The following GSDMD variants were observed in gnomAD, a reference collection of about 807,000 sequenced individuals.
GSDMD encodes the protein gasdermin-D.
GSDMD carries 46 observed loss-of-function variants against 46.7 expected under a neutral mutation model. That is an observed-to-expected ratio of 0.99 (90% confidence interval 0.78 to 1.26). The LOEUF is 1.26. GSDMD is among the 50% of genes most tolerant of loss of function. The pLI is 0.00. For synonymous variants in GSDMD, 307 were observed against 283.1 expected (o/e 1.08, Z -0.85); for missense variants, 649 against 638.8 (o/e 1.02, Z -0.17).
intron 1 of GSDMD, 52 bp from the exon 2 acceptor site, chr8:143,559,280 T>TACCAA: frequency 5.9e-5 from 34 of 579,390 alleles, no homozygotes; most frequent in Middle Eastern, 4.7e-4. Flanking sequence ...CTTCTCCCAC[T>TACCAA]CCCTCCCGCC....
chr8:143,558,188 T>C (rs933601324), upstream of GSDMD: 8 of 814,618 alleles, frequency 9.8e-6, no homozygotes, highest in Non-Finnish European at 1.5e-5. Flanking sequence ...GCTATGAAGT[T>C]TGAGGCTACC....
chr8:143,560,520 C>A (rs962250799), intron 3 of GSDMD, 83 bp from the exon 4 acceptor site: 2 of 1,433,116 alleles, frequency 1.4e-6, no homozygotes, highest in East Asian at 5.0e-5. Flanking sequence ...GCACCACCTC[C>A]CCCGGTGGCG....
At chr8:143,558,914 G>C (rs1286949638) in intron 1 of GSDMD, 1 of 427,190 alleles carries the variant, frequency 2.3e-6, no homozygotes, top group East Asian at 5.6e-5. Flanking sequence ...ACGCAGCTGG[G>C]GTGGGGCGAC....
In GSDMD at chr8:143,558,385, TCGCCGGACGGCTCC is replaced by T. The variant is rs1823360251; in HGVS notation, c.-69_-56del. 1.3e-6 allele frequency: 2 copies of T among 1,518,938 alleles called. No individual in the cohort carries two copies. Among genetic ancestry groups the T allele is most frequent in the Admixed American group, 2.0e-5 (1 of 48,936 alleles). 94.1% of individuals were successfully genotyped at this position (1,518,938 alleles called of 1,614,324 possible). On this transcript the variant is annotated 5_prime_UTR_variant, in exon 1 of 11. Coordinates refer to ENST00000262580, the MANE Select transcript of GSDMD (RefSeq NM_024736.7). ...AGCTCTGGGCACCTCCAGCTCCTGC[TCGCCGGACGGCTCC>T]CAGGGAGAGCAGACGCGCCAGACGC...
At position 143,559,561 on chromosome 8, in the gene GSDMD, T is replaced by C. The variant is rs1823399328; in HGVS notation, c.217+9T>C. The C allele has an allele frequency of 6.2e-7, 1 of 1,610,416 alleles. No homozygotes were observed. Among genetic ancestry groups the C allele is most frequent in the Non-Finnish European group, 8.5e-7 (1 of 1,178,336 alleles). ...GGATGCCGCGGAACCAGGTGCCTGA[T>C]GTGGTGCTGAGGCAGAGCCCCAGGG... On this transcript the variant is annotated intron_variant, in intron 2 of 10. Coordinates refer to ENST00000262580, the MANE Select transcript of GSDMD (RefSeq NM_024736.7).
chr8:143,554,208 C>T (rs978839242), upstream of GSDMD, among the ~76,000 whole-genome samples: 5 of 152,254 alleles, frequency 3.3e-5, no homozygotes, highest in African/African-American at 1.2e-4. Context: ...CCGTGACCTG[C>T]ACATGAACAC....
chr8:143,558,233 CG>C, upstream of GSDMD: 1 of 1,281,626 alleles, frequency 7.8e-7, no homozygotes, highest in South Asian at 1.5e-5. Flanking sequence ...CCTCCGGACG[CG>C]CGAGGCTGGT....
At chr8:143,557,151 C>T (rs936092262), upstream of GSDMD, among the ~76,000 whole-genome samples, 5 of 152,246 alleles carry the variant, frequency 3.3e-5, no homozygotes, top group African/African-American at 9.6e-5. Context: ...CTGTGTCGCC[C>T]GTCTGTGTCG....
chr8:143,560,336 T>C (rs1429260723), intron 3 of GSDMD: 5 of 682,238 alleles, frequency 7.3e-6, no homozygotes, highest in Admixed American at 2.1e-5. Flanking sequence ...AGCCCCAGGC[T>C]GCTGTGAGGA....
chr8:143,558,140 C>A (rs568691697), upstream of GSDMD: 1 of 580,286 alleles, frequency 1.7e-6, no homozygotes, highest in Non-Finnish European at 2.9e-6. Context: ...GTGATCCGCC[C>A]GGGCACAGGC....
chr8:143,559,887 G>A lies in GSDMD; in HGVS notation c.328G>A (p.Val110Met). 1 of 1,612,762 alleles carries A rather than the reference G, an allele frequency of 6.2e-7. No individual in the cohort carries two copies. Among genetic ancestry groups the A allele is most frequent in the Non-Finnish European group, 8.5e-7 (1 of 1,179,948 alleles). The change falls in exon 3 of 11, where the codon GTG (valine) becomes ATG (methionine). Residue 110 changes from valine (V) to methionine (M), a missense_variant. By Grantham distance (21) the Val-to-Met change is conservative. Transcript: ENST00000262580. ...GQAKIAGGAA[V>M]SDSSSTSMNV... ...GGCAAAGATCGCAGGCGGGGCCGCGGTGTCTGACAGCTCCAGCACCTCAAT... is the reference window on the plus strand; with the variant it reads ...GGCAAAGATCGCAGGCGGGGCCGCGATGTCTGACAGCTCCAGCACCTCAAT...
chr8:143,554,563 C>T (rs996469423), upstream of GSDMD, among the ~76,000 whole-genome samples: 14 of 151,190 alleles, frequency 9.3e-5, no homozygotes, highest in African/African-American at 1.5e-4. Flanking sequence ...CATACACGCG[C>T]GCAAACGCAC....
rs779153905 is a variant in GSDMD at position 143,559,330 on chromosome 8, A to G, written c.-4-2A>G. ...AATGCCTGACCCATTTCCCCTCCTC[A>G]GGAGCATGGGGTCGGCCTTTGAGCG... On this transcript the variant is annotated splice_acceptor_variant, in intron 1 of 10. Transcript: ENST00000262580. LOFTEE classifies it low-confidence loss of function (5UTR_SPLICE). The G allele has an allele frequency of 1.5e-5, 20 of 1,351,736 alleles. 1 individual carries two copies. Among genetic ancestry groups the G allele is most frequent in the South Asian group, 8.2e-5 (7 of 85,638 alleles). 83.7% of individuals were successfully genotyped at this position (1,351,736 alleles called of 1,614,324 possible). A position where few individuals can be genotyped will look rare whatever the true frequency, so the allele number is the denominator to read the frequency against.
chr8:143,560,246 C>T (rs143991540), intron 3 of GSDMD: 15 of 687,166 alleles, frequency 2.2e-5, no homozygotes, highest in African/African-American at 5.3e-5. Flanking sequence ...GCGCTGTGGC[C>T]GGAACCAGCT....
At chr8:143,556,374 G>A (rs1175312707), upstream of GSDMD, among the ~76,000 whole-genome samples, 15 of 152,280 alleles carry the variant, frequency 9.9e-5, no homozygotes, top group African/African-American at 2.9e-4. Flanking sequence ...GCAAGACTCA[G>A]TCTCAAAACA....
chr8:143,561,873 C>G (rs376427544), intron 7 of GSDMD, 45 bp downstream of exon 7: 2 of 1,609,410 alleles, frequency 1.2e-6, no homozygotes, highest in South Asian at 2.2e-5. Flanking sequence ...GTGGGCTCTC[C>G]TGCCCCCTGG....
intron 1 of GSDMD, 52 bp from the exon 2 acceptor site, chr8:143,559,280 T>TCCCCCCCCCCCCCCCCCC: frequency 1.7e-6 from 1 of 579,430 alleles, no homozygotes; most frequent in Non-Finnish European, 3.2e-6. Flanking sequence ...CTTCTCCCAC[T>TCCCCCCCCCCCCCCCCCC]CCCTCCCGCC....
Position 143,562,973 on chromosome 8 carries a change from A to AGGAAGGCC in GSDMD, c.*70_*77dup, listed in dbSNP as rs1563908710. 3.8e-6 allele frequency: 6 copies of AGGAAGGCC among 1,592,382 alleles called. No homozygotes were observed. Among genetic ancestry groups the AGGAAGGCC allele is most frequent in the Middle Eastern group, 1.7e-4 (1 of 5,744 alleles). On this transcript the variant is annotated 3_prime_UTR_variant, in exon 11 of 11. Coordinates refer to ENST00000262580, the MANE Select transcript of GSDMD (RefSeq NM_024736.7). ...TGTTTGCCCACCAGCTGCTAGCCCT[A>AGGAAGGCC]GGAAGGCCAGGAGCCCAGTAGCCAT... is the stretch of plus-strand genomic sequence containing the variant.
chr8:143,558,537 C>T (rs1449800061), intron 1 of GSDMD, 86 bp downstream of exon 1: 11 of 1,259,940 alleles, frequency 8.7e-6, no homozygotes, highest in South Asian at 5.0e-5. Context: ...GGATGCTGGC[C>T]CTGCTGCCCC....
Sources: gnomAD v4.1 joint callset for allele counts (sites outside exome capture counted in the v4.1 genomes callset) on GRCh38, gnomAD v4.1.1 for gene constraint, MANE v1.5 for transcripts, NCBI Gene and HGNC (gene_info 2026-07-23, HGNC 2026-07-21) for gene names.